The following DCTN1 variants were observed in gnomAD, a reference collection of about 807,000 sequenced individuals.
DCTN1 encodes the protein 150 kDa dynein-associated polypeptide.
DCTN1 carries 61 observed loss-of-function variants against 161.2 expected under a neutral mutation model. The observed-to-expected ratio is 0.38, with a 90% confidence interval of 0.31 to 0.47. The LOEUF (loss-of-function observed/expected upper bound fraction) is 0.47, where lower values mean the gene tolerates loss of function less well. Among genes scored for constraint, DCTN1 ranks in the 20% least tolerant of loss-of-function variants. DCTN1 has a pLI of 0.99. For synonymous variants in DCTN1, 653 were observed against 632.4 expected, an observed-to-expected ratio of 1.03 and a Z score of -0.49; for missense variants, 1,404 against 1,623.7, an observed-to-expected ratio of 0.86 and a Z score of 2.33.
rs1381488388 is a variant in DCTN1 at position 74,371,109 on chromosome 2, C to T, written c.713G>A (p.Arg238Gln). The T allele has an allele frequency of 6.2e-6, 10 of 1,614,042 alleles. No individual in the cohort carries two copies. The highest frequency in any genetic ancestry group is 2.2e-5 in the South Asian group (2 of 91,082). ...TTTTAGCTTTGCTTTGTCTTCTGCC[C>T]GTTTCAGTCTCAGGGTCTCTAGTTT... ...EEKLETLRLKRAEDKAKLKEL... is the reference protein window; with the variant it reads ...EEKLETLRLKQAEDKAKLKEL... Residue 238 changes from arginine (R) to glutamine (Q), a missense_variant, in exon 9 of 32, where the codon CGG (arginine) becomes CAG (glutamine). This residue lies in a region of DCTN1 where 67 missense variants were observed against 116.3 expected (regional missense o/e 0.58). Coordinates refer to ENST00000628224, the MANE Select transcript of DCTN1 (RefSeq NM_004082.5).
At position 74,371,093 on chromosome 2, in the gene DCTN1, T is replaced by C; in HGVS notation, c.729A>G (p.Ala243=). Residue 243 remains alanine (A), a synonymous_variant, in exon 9 of 32, where the codon GCA becomes GCG. Coordinates refer to ENST00000628224, the MANE Select transcript of DCTN1 (RefSeq NM_004082.5). ...TLRLKRAEDK[A]KLKELEKHKI... ...TGTGTTTCTCCAGCTCTTTTAGCTTTGCTTTGTCTTCTGCCCGTTTCAGTC... is the reference window on the plus strand; with the variant it reads ...TGTGTTTCTCCAGCTCTTTTAGCTTCGCTTTGTCTTCTGCCCGTTTCAGTC... The C allele has an allele frequency of 6.2e-7, 1 of 1,614,216 alleles. No individual in the cohort carries two copies. Among genetic ancestry groups the C allele is most frequent in the Non-Finnish European group, 8.5e-7 (1 of 1,180,050 alleles).
chr2:74,361,377 T>G lies in DCTN1; in HGVS notation c.*122A>C, dbSNP rs777649011. The G allele has an allele frequency of 4.3e-4, 610 of 1,411,738 alleles. 4 individuals carry two copies. The highest frequency in any genetic ancestry group is 1.3e-3 in the South Asian group (107 of 82,874). The allele number at this position is 1,411,738 out of a possible 1,614,324, so 87.5% of individuals were successfully genotyped here. On this transcript the variant is annotated 3_prime_UTR_variant, in exon 32 of 32. Transcript: ENST00000628224. Reference sequence around the variant, plus strand: ...GACGCTGAAAGGGTGGGAGTGAAGCTGAACGGGGCAGGAAGAGCTTAACCC... The same window carrying G: ...GACGCTGAAAGGGTGGGAGTGAAGCGGAACGGGGCAGGAAGAGCTTAACCC...
chr2:74,362,752 A>G (rs1674107036), intron 29 of DCTN1, 23 bp from the exon 30 acceptor site: 1 of 1,610,808 alleles, frequency 6.2e-7, no homozygotes, highest in East Asian at 2.2e-5. Context: ...AAAGCTGGTG[A>G]GGCCCACCAA....
upstream of DCTN1, chr2:74,380,559 A>T: frequency 2.1e-6 from 1 of 471,954 alleles, no homozygotes. Context: ...GCATCAAGTG[A>T]CACTTCAAAG....
Position 74,366,373 on chromosome 2 carries a change from G to C in DCTN1, c.2631C>G (p.Ile877Met). The C allele has an allele frequency of 6.2e-7, 1 of 1,614,220 alleles. No homozygotes were observed. Among genetic ancestry groups the C allele is most frequent in the Non-Finnish European group, 8.5e-7 (1 of 1,180,032 alleles). ...EELAFKASEQ[I>M]YGTPSSSPYE... ...AGGGGCTGCTGGAGGGGGTCCCATA[G>C]ATCTGCAGGAGCCAAGGGCAGAAGT... Residue 877 changes from isoleucine to methionine, a missense_variant and splice_region_variant, in exon 23 of 32, where the codon ATC becomes ATG. Physicochemically the swap from Ile to Met is conservative, Grantham distance 10 (BLOSUM62 1). Transcript: ENST00000628224.
Position 74,374,339 on chromosome 2 carries a change from G to A in DCTN1, c.416C>T (p.Ala139Val). ...CAAGAGTACCTTTCGGGCTGTCGGT[G>A]CCTGTCTCATCATTGCAGAAAACCA... ...SKLRGLKPKK[A>V]PTARKTTTRR... Residue 139 changes from alanine to valine, a missense_variant and splice_region_variant, in exon 6 of 32, where the codon GCA (alanine) becomes GTA (valine). Ala to Val is a moderately conservative substitution (Grantham distance 64). Around this residue, in one of 9 missense-constraint regions of DCTN1, gnomAD observed 174 missense variants for 175.6 expected, o/e 0.99. Transcript: ENST00000628224. 6.2e-7 allele frequency: 1 copy of A among 1,613,604 alleles called. No individual in the cohort carries two copies. The highest frequency in any genetic ancestry group is 1.3e-5 in the African/African-American group (1 of 74,978).
In DCTN1 at chr2:74,370,052, A is replaced by C. The variant is rs1236185903; in HGVS notation, c.1305T>G (p.Gly435=). Residue 435 remains glycine (G), a synonymous_variant, in exon 13 of 32, where the codon GGT becomes GGG. Transcript: ENST00000628224. This position sits in a 1 kb window ranked among gnomAD's most constrained non-coding sequence, Gnocchi z 4.4. ...TCAGCATCTCCACCATCTCCTCAGC[A>C]CCCAGAGCAGCATCCACCTGTGTTA... ...ELKEQVDAAL[G]AEEMVEMLTD... The C allele has an allele frequency of 6.2e-7, 1 of 1,614,124 alleles. No homozygotes were observed. Among genetic ancestry groups the C allele is most frequent in the African/African-American group, 1.3e-5 (1 of 75,014 alleles).
rs1382402983 is a variant in DCTN1 at position 74,371,779 on chromosome 2, A to C, written c.454-51T>G. On this transcript the variant is annotated intron_variant, in intron 7 of 31. Transcript: ENST00000628224. ...CAGAAAGAAAGCAGAGGATAGGGGT[A>C]GTAAGAGGAACAGAAACAGAATATG... 4 of 1,452,860 alleles carry C rather than the reference A, an allele frequency of 2.8e-6. No individual in the cohort carries two copies. In the African/African-American group the frequency reaches 5.5e-5, roughly 20 times the overall value. 90.0% of individuals were successfully genotyped at this position (1,452,860 alleles called of 1,614,324 possible).
Position 74,363,334 on chromosome 2 carries a change from A to G in DCTN1, c.3305T>C (p.Leu1102Pro). 1 of 1,613,496 alleles carries G rather than the reference A, an allele frequency of 6.2e-7. No homozygotes were observed. Among genetic ancestry groups the G allele is most frequent in the Non-Finnish European group, 8.5e-7 (1 of 1,179,744 alleles). Residue 1102 changes from leucine (L) to proline (P), a missense_variant, in exon 28 of 32, where the codon CTG becomes CCG. Coordinates refer to ENST00000628224, the MANE Select transcript of DCTN1 (RefSeq NM_004082.5). ...CTCATGCTGGAGCTGGGAGATGTGC[A>G]GCCTCATGGCAGAGATCTGCTGAAG... ...LLLQQISAMR[L>P]HISQLQHENS...
chr2:74,388,959 G>A (rs920784377), intron 1 of DCTN1, among the ~76,000 whole-genome samples: 2 of 152,086 alleles, frequency 1.3e-5, no homozygotes, highest in Non-Finnish European at 2.9e-5. Flanking sequence ...TTCCACTCCA[G>A]ACAGAAGCCT....
In DCTN1 at chr2:74,361,547, C is replaced by T; in HGVS notation, c.3789G>A (p.Val1263=). 6.2e-7 allele frequency: 1 copy of T among 1,614,136 alleles called. No homozygotes were observed. The highest frequency in any genetic ancestry group is 8.5e-7 in the Non-Finnish European group (1 of 1,180,032). ...GCTGGTGCAGCTGCTCCTGGGTCAG[C>T]ACCAGCCGGTGTCGCTGTCCAAAAC... is the stretch of plus-strand genomic sequence containing the variant. The part of the protein sequence containing the change: ...AAGFGQRHRL[V]LTQEQLHQLH... Residue 1263 remains valine (V), a synonymous_variant, in exon 32 of 32, where the codon GTG becomes GTA. Transcript: ENST00000628224.
At chr2:74,391,620 G>A (rs982652883) in intron 1 of DCTN1, 1 of 359,718 alleles carries the variant, frequency 2.8e-6, no homozygotes, top group South Asian at 2.1e-5. Context: ...GCTGAGGTGG[G>A]TCAGACCGGC....
At chr2:74,363,859 T>A (rs961246481) in intron 26 of DCTN1, 1 of 630,132 alleles carries the variant, frequency 1.6e-6, no homozygotes, top group Non-Finnish European at 2.9e-6. Context: ...CAGGGTACAA[T>A]GTGTGAAGAA....
Position 74,366,449 on chromosome 2 carries a change from C to A in DCTN1, c.2628+10G>T. ...CTCCCCACACCTTCTACCCAGCCAT[C>A]CAGGCCCACCTGCTCGCTTGCTTTG... On this transcript the variant is annotated intron_variant, in intron 22 of 31. Coordinates refer to ENST00000628224, the MANE Select transcript of DCTN1 (RefSeq NM_004082.5). 1 of 1,614,254 alleles carries A rather than the reference C, an allele frequency of 6.2e-7. No individual in the cohort carries two copies. The highest frequency in any genetic ancestry group is 1.3e-5 in the African/African-American group (1 of 75,072).
At chr2:74,382,200 A>G (rs531792574), upstream of DCTN1, among the ~76,000 whole-genome samples, 130 of 152,364 alleles carry the variant, frequency 8.5e-4, 1 homozygote, top group South Asian at 0.025. Context: ...ATAGGTATCA[A>G]TAGTCCCCTA....
At chr2:74,390,783 A>C (rs1169231516) in intron 1 of DCTN1, 5 of 259,154 alleles carry the variant, frequency 1.9e-5, no homozygotes, top group African/African-American at 8.8e-5. Context: ...ATCGCATTAC[A>C]TGTGCACGCC....
At chr2:74,378,392 C>A in intron 1 of DCTN1, 147 bp from the exon 2 acceptor site, 1 of 915,502 alleles carries the variant, frequency 1.1e-6, no homozygotes, top group Non-Finnish European at 1.6e-6. Flanking sequence ...TGGGTGGACC[C>A]CCAAATTCCC....
chr2:74,367,032 G>A lies in DCTN1; in HGVS notation c.2316+13C>T. The A allele has an allele frequency of 6.2e-7, 1 of 1,614,206 alleles. No homozygotes were observed. The highest frequency in any genetic ancestry group is 8.5e-7 in the Non-Finnish European group (1 of 1,180,018). On this transcript the variant is annotated intron_variant, in intron 20 of 31. Transcript: ENST00000628224. ...AAGAAGAGGAGCTCACACAGATCTA[G>A]ATGTGTTCTCACCTGCAAGAAGGCA...
Position 74,370,905 on chromosome 2 carries a change from G to C in DCTN1, c.843+74C>G, listed in dbSNP as rs568117679. ...TTCTCACAGTATGTTCCAGGCTCCA[G>C]CTCCAGTCTAGTTTCCAGCATGCTT... On this transcript the variant is annotated intron_variant, in intron 9 of 31. Transcript: ENST00000628224. The surrounding 1 kb of genome is among the most constrained non-coding windows in gnomAD (Gnocchi z 4.4). The C allele has an allele frequency of 5.6e-6, 9 of 1,613,332 alleles. No homozygotes were observed. In the African/African-American group the frequency reaches 1.1e-4, roughly 19 times the overall value.
Sources: gnomAD v4.1 joint callset for allele counts (sites outside exome capture counted in the v4.1 genomes callset) on GRCh38, gnomAD v4.1.1 for gene constraint, gnomAD v4.1.1 regional missense constraint, Gnocchi (gnomAD v3.1) non-coding constraint, MANE v1.5 for transcripts, NCBI Gene and HGNC (gene_info 2026-07-23, HGNC 2026-07-21) for gene names.